Variants in GUCY1A2 observed in about 807,000 individuals in gnomAD.
The protein encoded by GUCY1A2 is guanylate cyclase soluble subunit alpha-2.
GUCY1A2 carries 27 observed loss-of-function variants against 63.5 expected under a neutral mutation model. The ratio of observed to expected loss-of-function variants is 0.43; its 90% confidence interval spans 0.31 to 0.59. The LOEUF (loss-of-function observed/expected upper bound fraction) is 0.59. Ranked by LOEUF, GUCY1A2 falls within the 20% of genes least tolerant of loss-of-function variation. The pLI, the probability that GUCY1A2 is intolerant of heterozygous loss-of-function variation, is 0.11. For synonymous variants in GUCY1A2, 364 were observed against 343.5 expected (o/e 1.06, Z -0.66); for missense variants, 768 against 913.3 (o/e 0.84, Z 2.05).
At chr11:106,987,431 A>G (rs1429596689) in intron 1 of GUCY1A2, among the ~76,000 whole-genome samples, 3 of 152,214 alleles carry the variant, frequency 2.0e-5, no homozygotes, top group Non-Finnish European at 4.4e-5. Context: ...CACGTGGATC[A>G]CTTGAGGTCA....
At chr11:106,989,888 T>C (rs977575338) in intron 1 of GUCY1A2, among the ~76,000 whole-genome samples, 2 of 152,062 alleles carry the variant, frequency 1.3e-5, no homozygotes, top group Non-Finnish European at 2.9e-5. Flanking sequence ...ATAGCTAAGG[T>C]CAAGACCCCA....
At chr11:106,966,971 A>C (rs1861134502) in intron 3 of GUCY1A2, among the ~76,000 whole-genome samples, 1 of 152,238 alleles carries the variant, frequency 6.6e-6, no homozygotes, top group South Asian at 2.1e-4. Context: ...AATGAAAAAC[A>C]GTCTGAGGTA....
chr11:106,759,184 G>A (rs1413554281), intron 6 of GUCY1A2, among the ~76,000 whole-genome samples: 3 of 149,652 alleles, frequency 2.0e-5, no homozygotes, highest in Non-Finnish European at 4.4e-5. Context: ...AAAAAAGCAA[G>A]TATTTGCAAC....
At chr11:106,797,820 G>T (rs1369283526) in intron 5 of GUCY1A2, among the ~76,000 whole-genome samples, 1 of 152,148 alleles carries the variant, frequency 6.6e-6, no homozygotes, top group African/African-American at 2.4e-5. Flanking sequence ...AAGCAGGAAA[G>T]ATCTAAAATT....
At chr11:106,880,499 T>C (rs1591312294) in intron 4 of GUCY1A2, among the ~76,000 whole-genome samples, 1 of 152,166 alleles carries the variant, frequency 6.6e-6, no homozygotes, top group Non-Finnish European at 1.5e-5. Flanking sequence ...TTCTCCTTTA[T>C]CCTCTTCTTT....
intron 7 of GUCY1A2, among the ~76,000 whole-genome samples, chr11:106,706,879 A>G (rs1287597475): frequency 6.6e-6 from 1 of 152,180 alleles, no homozygotes. Context: ...TCAATTTGCC[A>G]TGGTAATTGT....
chr11:106,996,195 A>C, intron 1 of GUCY1A2, among the ~76,000 whole-genome samples: 1 of 152,202 alleles, frequency 6.6e-6, no homozygotes, highest in East Asian at 1.9e-4. Flanking sequence ...AAGGTGACCA[A>C]CAAAGGGAGG....
intron 4 of GUCY1A2, among the ~76,000 whole-genome samples, chr11:106,883,075 T>G (rs1377778402): frequency 6.6e-6 from 1 of 152,088 alleles, no homozygotes; most frequent in Non-Finnish European, 1.5e-5. Flanking sequence ...CCTTTGATAT[T>G]ACACATTGAA....
intron 1 of GUCY1A2, among the ~76,000 whole-genome samples, chr11:107,009,020 G>A (rs1861708788): frequency 6.6e-6 from 1 of 152,190 alleles, no homozygotes; most frequent in Non-Finnish European, 1.5e-5. Context: ...GTAACATCAG[G>A]ACCTCCACAC....
At chr11:106,788,990 T>A (rs1308503554) in intron 5 of GUCY1A2, among the ~76,000 whole-genome samples, 2 of 152,208 alleles carry the variant, frequency 1.3e-5, no homozygotes, top group East Asian at 3.8e-4. Context: ...TTGCTTTGGG[T>A]AGTATGGATG....
At chr11:106,798,380 A>T (rs1000351458) in intron 5 of GUCY1A2, among the ~76,000 whole-genome samples, 4 of 151,934 alleles carry the variant, frequency 2.6e-5, no homozygotes, top group African/African-American at 7.2e-5. Flanking sequence ...TTCCAATCAA[A>T]AGAAAAAGAG....
chr11:106,737,634 T>C (rs1863614546), intron 6 of GUCY1A2, among the ~76,000 whole-genome samples: 1 of 152,136 alleles, frequency 6.6e-6, no homozygotes, highest in Admixed American at 6.5e-5. Flanking sequence ...CACTTATGAG[T>C]GAGAACATGC....
chr11:106,922,583 A>G (rs751942147), intron 4 of GUCY1A2, among the ~76,000 whole-genome samples: 1 of 148,572 alleles, frequency 6.7e-6, no homozygotes, highest in Non-Finnish European at 1.5e-5. Context: ...AAAAATCTAT[A>G]CTTCATGGGT....
intron 6 of GUCY1A2, among the ~76,000 whole-genome samples, chr11:106,713,496 C>CTTTTTTTTTTTT (rs143909145): frequency 1.3e-5 from 1 of 78,394 alleles, no homozygotes; most frequent in African/African-American, 5.6e-5. Context: ...TAGTATGTTT[C>CTTTTTTTTTTTT]TTTTTTTTTT....
intron 4 of GUCY1A2, among the ~76,000 whole-genome samples, chr11:106,879,938 C>T (rs1037014325): frequency 3.3e-5 from 5 of 152,028 alleles, no homozygotes; most frequent in Admixed American, 1.3e-4. Flanking sequence ...AAAAATTGAT[C>T]GTTATATTGT....
intron 4 of GUCY1A2, among the ~76,000 whole-genome samples, chr11:106,899,813 G>A (rs189797577): frequency 6.1e-4 from 93 of 152,170 alleles, no homozygotes; most frequent in Middle Eastern, 3.4e-3. Flanking sequence ...GGCCGGGCAC[G>A]GTGGCTCACG....
intron 6 of GUCY1A2, among the ~76,000 whole-genome samples, chr11:106,725,150 T>A (rs1367491327): frequency 1.3e-5 from 1 of 75,790 alleles, no homozygotes; most frequent in East Asian, 2.6e-4. Context: ...TTGACATAAA[T>A]TCTTTTTTTT....
rs981685735 is a variant in GUCY1A2, at chr11:106,674,738, T to A, written c.*12811A>T. ...TAATAACAAAGGAGCAGATATACAATATGATTTACATTGCAAACCAAACCA... is the reference window on the plus strand; with the variant it reads ...TAATAACAAAGGAGCAGATATACAAAATGATTTACATTGCAAACCAAACCA... On this transcript the variant is annotated 3_prime_UTR_variant, in exon 8 of 8. Transcript: ENST00000526355. 4.9e-6 allele frequency: 1 copy of A among 203,914 alleles called. No homozygotes were observed. The highest frequency in any genetic ancestry group is 2.3e-5 in the African/African-American group (1 of 43,740). 12.6% of individuals were successfully genotyped at this position (203,914 alleles called of 1,614,324 possible).
rs191635792 is a variant in GUCY1A2, at chr11:106,935,278, G to A, written c.1206+4182C>T. Among the ~76,000 whole-genome samples, 18 of 152,254 alleles carry A rather than the reference G, an allele frequency of 1.2e-4. No individual in the cohort carries two copies. The East Asian group carries it at 3.5e-3, about 29-fold the overall frequency. ...GGAATAAATACGGAGACTGTTATAG[G>A]TGGAAAGGAACACAACTAATAATAG... On this transcript the variant is annotated intron_variant, in intron 4 of 7. Coordinates refer to ENST00000526355, the MANE Select transcript of GUCY1A2 (RefSeq NM_000855.3).
Sources: gnomAD v4.1 joint callset for allele counts (sites outside exome capture counted in the v4.1 genomes callset) on GRCh38, gnomAD v4.1.1 for gene constraint, MANE v1.5 for transcripts, NCBI Gene and HGNC (gene_info 2026-07-23, HGNC 2026-07-21) for gene names.